PTPRQ: variants seen among roughly 807,000 people sequenced by gnomAD.
PTPRQ encodes protein tyrosine phosphatase receptor type Q, also known as phosphatidylinositol phosphatase PTPRQ.
PTPRQ carries 199 observed loss-of-function variants against 246.0 expected under a neutral mutation model. The ratio of observed to expected loss-of-function variants is 0.81; its 90% CI spans 0.72 to 0.91. PTPRQ has a LOEUF of 0.91. Among genes scored for constraint, PTPRQ ranks in the 40% least tolerant of loss-of-function variants. The pLI, the probability that PTPRQ is intolerant of heterozygous loss-of-function variation, is 0.00. For synonymous variants in PTPRQ, 869 were observed against 853.2 expected, an observed-to-expected ratio of 1.02 and a Z score of -0.32; for missense variants, 2,624 against 2,528.4, an observed-to-expected ratio of 1.04 and a Z score of -0.81.
rs547484491 is a variant in PTPRQ at position 80,504,081 on chromosome 12, A to G, written c.2273-1943A>G. Among the ~76,000 whole-genome samples, 40 of 151,824 alleles carry G rather than the reference A, an allele frequency of 2.6e-4. 1 individual carries two copies. The highest frequency in any genetic ancestry group is 2.1e-3 in the Admixed American group (32 of 15,186). ...TTGATCTGATGTTTGATGTCGTTGA[A>G]TAATTTTGATGAGCCTCAGCCATTA... is the stretch of plus-strand genomic sequence containing the variant. On this transcript the variant is annotated intron_variant, in intron 14 of 44. Coordinates refer to ENST00000644991, the MANE Select transcript of PTPRQ (RefSeq NM_001145026.2).
At chr12:80,546,007 C>T (rs1253991317) in intron 23 of PTPRQ, among the ~76,000 whole-genome samples, 1 of 151,644 alleles carries the variant, frequency 6.6e-6, no homozygotes, top group Admixed American at 6.6e-5. Flanking sequence ...GAAAATAAAA[C>T]ACTCTAGTTT....
intron 33 of PTPRQ, among the ~76,000 whole-genome samples, chr12:80,625,810 A>C (rs1255521513): frequency 6.6e-6 from 1 of 152,140 alleles, no homozygotes; most frequent in Non-Finnish European, 1.5e-5. Flanking sequence ...CTCAAGATTG[A>C]GTATTGGCAT....
chr12:80,467,826 G>A (rs576975495), intron 6 of PTPRQ, among the ~76,000 whole-genome samples: 1 of 151,818 alleles, frequency 6.6e-6, no homozygotes, highest in Non-Finnish European at 1.5e-5. Flanking sequence ...ATGGACACAG[G>A]AAGGGGAACA....
In PTPRQ at chr12:80,540,105, G is replaced by A. The variant is rs12304453; in HGVS notation, c.3154+161G>A. The stretch of plus-strand genomic sequence containing the variant: ...TTAATATACTTACAAAACTATTGCA[G>A]TAATAGCCTCTTCTGTTCAAGAAAA... On this transcript the variant is annotated intron_variant, in intron 20 of 44. Coordinates refer to ENST00000644991, the MANE Select transcript of PTPRQ (RefSeq NM_001145026.2). Among the ~76,000 whole-genome samples the A allele has an allele frequency of 8.6e-3, 1,306 of 152,164 alleles. 17 individuals carry two copies. Among genetic ancestry groups the A allele is most frequent in the African/African-American group, 0.03 (1,246 of 41,564 alleles).
rs1352660291 is a variant in PTPRQ at position 80,542,196 on chromosome 12, G to T, written c.3553G>T (p.Asp1185Tyr). 3 of 1,550,980 alleles carry T rather than the reference G, an allele frequency of 1.9e-6. No individual in the cohort carries two copies. In the East Asian group the frequency reaches 7.3e-5, roughly 38 times the overall value. The change falls in exon 22 of 45, where the codon GAT (aspartate) becomes TAT (tyrosine). Residue 1185 changes from aspartate to tyrosine, a missense_variant. Coordinates refer to ENST00000644991, the MANE Select transcript of PTPRQ (RefSeq NM_001145026.2). ...VKPNGAIISY[D>Y]LTLQGPNENY... ...GCCAAATGGTGCAATAATAAGTTAT[G>T]ATTTAACTTTACAAGGACCAAATGA...
intron 8 of PTPRQ, 92 bp from the exon 9 acceptor site, chr12:80,484,341 T>G (rs979261134): frequency 6.5e-6 from 9 of 1,393,528 alleles, no homozygotes; most frequent in Non-Finnish European, 8.6e-6. Flanking sequence ...TTATATATCT[T>G]AAATTGTGAA....
chr12:80,585,606 G>C (rs977873857), intron 25 of PTPRQ, among the ~76,000 whole-genome samples: 6 of 152,018 alleles, frequency 3.9e-5, no homozygotes, highest in Non-Finnish European at 7.4e-5. Context: ...AGTCCTTCTT[G>C]TTATTCTCCA....
At chr12:80,567,211 A>G (rs1443596928) in intron 25 of PTPRQ, among the ~76,000 whole-genome samples, 1 of 152,232 alleles carries the variant, frequency 6.6e-6, no homozygotes, top group East Asian at 1.9e-4. Flanking sequence ...TTGTTTTTCT[A>G]TTAAAAATCT....
intron 16 of PTPRQ, among the ~76,000 whole-genome samples, chr12:80,509,570 C>T (rs185881388): frequency 8.5e-5 from 13 of 152,150 alleles, no homozygotes; most frequent in Non-Finnish European, 1.8e-4. Flanking sequence ...TGTTATTACA[C>T]AGCAGCTGAG....
intron 35 of PTPRQ, 95 bp downstream of exon 35, chr12:80,635,168 A>G: frequency 1.4e-6 from 2 of 1,472,282 alleles, no homozygotes; most frequent in Non-Finnish European, 1.8e-6. Flanking sequence ...GTGGGGCTCT[A>G]ATTTACACAG....
intron 8 of PTPRQ, 122 bp from the exon 9 acceptor site, chr12:80,484,311 C>A: frequency 8.0e-7 from 1 of 1,245,070 alleles, no homozygotes; most frequent in Non-Finnish European, 1.1e-6. Context: ...CTAGCCTAGT[C>A]TGTTTTCTAA....
At chr12:80,606,655 A>G (rs1314426362) in intron 27 of PTPRQ, among the ~76,000 whole-genome samples, 1 of 150,854 alleles carries the variant, frequency 6.6e-6, no homozygotes, top group Non-Finnish European at 1.5e-5. Context: ...TTATAATTTT[A>G]TTATGTCTTT....
At chr12:80,455,630 G>A (rs897025328) in intron 3 of PTPRQ, among the ~76,000 whole-genome samples, 16 of 143,812 alleles carry the variant, frequency 1.1e-4, no homozygotes, top group African/African-American at 2.1e-4. Flanking sequence ...TCGCTCTGTC[G>A]CCCAGGCTGG....
intron 6 of PTPRQ, among the ~76,000 whole-genome samples, chr12:80,461,120 A>G (rs1893151005): frequency 6.6e-6 from 1 of 152,198 alleles, no homozygotes. Flanking sequence ...GCAAAAAACA[A>G]TTCTTGAGCC....
chr12:80,615,313 T>C (rs1022619033), intron 29 of PTPRQ, among the ~76,000 whole-genome samples: 1 of 151,070 alleles, frequency 6.6e-6, no homozygotes, highest in Admixed American at 6.6e-5. Context: ...ATTAACTCAA[T>C]AAAAACATTT....
chr12:80,661,719 G>A (rs1900640747), intron 39 of PTPRQ, among the ~76,000 whole-genome samples: 1 of 151,402 alleles, frequency 6.6e-6, no homozygotes. Flanking sequence ...ACCTGTTCAA[G>A]GACATTGATA....
At chr12:80,449,735 A>C (rs1046167071) in intron 3 of PTPRQ, among the ~76,000 whole-genome samples, 1 of 152,046 alleles carries the variant, frequency 6.6e-6, no homozygotes, top group Non-Finnish European at 1.5e-5. Context: ...ATTGATCTAT[A>C]TCTCTGTTTT....
At chr12:80,504,184 A>T (rs1565750517) in intron 14 of PTPRQ, among the ~76,000 whole-genome samples, 1 of 151,598 alleles carries the variant, frequency 6.6e-6, no homozygotes, top group Non-Finnish European at 1.5e-5. Context: ...CTGCCATTTT[A>T]TATTTTCCAT....
chr12:80,474,616 A>G (rs1298714857), intron 8 of PTPRQ, among the ~76,000 whole-genome samples: 1 of 152,342 alleles, frequency 6.6e-6, no homozygotes, highest in African/African-American at 2.4e-5. Flanking sequence ...AGGCATGAAA[A>G]TAAATGATTT....
Sources: gnomAD v4.1 joint callset for allele counts (sites outside exome capture counted in the v4.1 genomes callset) on GRCh38, gnomAD v4.1.1 for gene constraint, MANE v1.5 for transcripts, NCBI Gene and HGNC (gene_info 2026-07-23, HGNC 2026-07-21) for gene names.